ZNF518A: variants seen among roughly 807,000 people sequenced by gnomAD.
ZNF518A encodes the protein zinc finger protein 518.
A neutral mutation model predicts 102.7 loss-of-function variants in ZNF518A; 47 were observed. The ratio of observed to expected loss-of-function variants is 0.46; its 90% CI spans 0.36 to 0.58. ZNF518A has a LOEUF of 0.58. Ranked by LOEUF, ZNF518A falls within the 20% of genes least tolerant of loss-of-function variation. ZNF518A has a pLI of 0.00. For synonymous variants in ZNF518A, 652 were observed against 594.6 expected (o/e 1.10, Z -1.40); for missense variants, 1,793 against 1,699.8 (o/e 1.05, Z -0.96).
chr10:96,197,936 A>T (rs1454592091), intron 1 of ZNF518A, among the ~76,000 whole-genome samples: 1 of 151,156 alleles, frequency 6.6e-6, no homozygotes, highest in African/African-American at 2.4e-5. Context: ...AAAGAAAAAG[A>T]AAAAGAAAAA....
chr10:96,187,654 C>T (rs1248416298), intron 1 of ZNF518A, among the ~76,000 whole-genome samples: 1 of 152,168 alleles, frequency 6.6e-6, no homozygotes, highest in African/African-American at 2.4e-5. Flanking sequence ...TTCCTACTAC[C>T]ATAGCTGCAA....
chr10:96,154,136 G>A lies in ZNF518A; in HGVS notation c.-301-1190G>A, dbSNP rs1232446879. ...ACTCATATAATTCTTTCTACACCCA[G>A]CCTGGGCAACATGGCGAAACCTCAT... On this transcript the variant is annotated intron_variant, in intron 3 of 5. Transcript: ENST00000316045. 2.0e-5 allele frequency among the ~76,000 whole-genome samples: 3 copies of A among 152,112 alleles called. No individual in the cohort carries two copies. In the East Asian group the frequency reaches 5.8e-4, roughly 29 times the overall value.
intron 1 of ZNF518A, among the ~76,000 whole-genome samples, chr10:96,192,335 T>C (rs1554893662): frequency 6.6e-6 from 1 of 152,198 alleles, no homozygotes; most frequent in Non-Finnish European, 1.5e-5. Context: ...CTTAGAGAGA[T>C]TACTTCACTG....
chr10:96,167,143 A>G (rs138888687), downstream of ZNF518A, among the ~76,000 whole-genome samples: 21 of 152,322 alleles, frequency 1.4e-4, no homozygotes, highest in Non-Finnish European at 2.2e-4. Flanking sequence ...AATTTAGGAT[A>G]AATGCTAAGC....
chr10:96,160,620 A>G lies in ZNF518A; in HGVS notation c.4298A>G (p.Asn1433Ser). 6.2e-7 allele frequency: 1 copy of G among 1,613,000 alleles called. No homozygotes were observed. The highest frequency in any genetic ancestry group is 8.5e-7 in the Non-Finnish European group (1 of 1,179,452). ...KLTLKKTSKN[N>S]YQIVKTTSEN... is the part of the protein sequence containing the mutation. ...ACACTCAAAAAGACAAGCAAAAACA[A>G]TTACCAGATTGTGAAGACTACCTCT... The change falls in exon 6 of 6, where the codon AAT becomes AGT. Residue 1433 changes from asparagine to serine, a missense_variant. Asn to Ser is a conservative substitution (Grantham distance 46). Transcript: ENST00000316045.
intron 1 of ZNF518A, among the ~76,000 whole-genome samples, chr10:96,188,899 T>A (rs2083289431): frequency 6.6e-6 from 1 of 152,160 alleles, no homozygotes; most frequent in Non-Finnish European, 1.5e-5. Context: ...ATGCTCCCTC[T>A]AAAACCCGGA....
In ZNF518A at chr10:96,160,387, A is replaced by G. The variant is rs782051067; in HGVS notation, c.4065A>G (p.Ala1355=). The part of the protein sequence containing the change: ...QPVVVLNHPD[A]DAPEVVSVMK... ...TTGTAGTTTTGAATCATCCTGACGC[A>G]GATGCACCAGAAGTAGTAAGTGTAA... Residue 1355 remains alanine, a synonymous_variant, in exon 6 of 6, where the codon GCA becomes GCG. Coordinates refer to ENST00000316045, the MANE Select transcript of ZNF518A (RefSeq NM_001330736.2). 11 of 1,613,346 alleles carry G rather than the reference A, an allele frequency of 6.8e-6. No homozygotes were observed. The highest frequency in any genetic ancestry group is 6.8e-6 in the Non-Finnish European group (8 of 1,179,602).
At chr10:96,142,965 C>A (rs2082009545) in intron 3 of ZNF518A, among the ~76,000 whole-genome samples, 1 of 152,068 alleles carries the variant, frequency 6.6e-6, no homozygotes, top group Admixed American at 6.6e-5. Context: ...CGCAACCATG[C>A]CCGGCTAACT....
intron 3 of ZNF518A, among the ~76,000 whole-genome samples, chr10:96,145,575 C>G (rs2082133545): frequency 6.6e-6 from 1 of 152,158 alleles, no homozygotes; most frequent in Non-Finnish European, 1.5e-5. Flanking sequence ...TTACCATTAA[C>G]TTTGACGCTT....
At chr10:96,203,688 G>C (rs1211686887) in intron 2 of ZNF518A, 1 of 161,428 alleles carries the variant, frequency 6.2e-6, no homozygotes, top group East Asian at 1.7e-4. Flanking sequence ...ATTTAAATCG[G>C]TATTATTTGT....
downstream of ZNF518A, among the ~76,000 whole-genome samples, chr10:96,168,205 G>A (rs2083153878): frequency 1.3e-5 from 2 of 152,206 alleles, no homozygotes; most frequent in Admixed American, 1.3e-4. Flanking sequence ...GGAGTCATGA[G>A]TGAGAGGCCC....
Position 96,163,357 on chromosome 10 carries a change from T to C in ZNF518A, c.*2583T>C, listed in dbSNP as rs1379259845. ...TTTCCAAAGAGGGCTTTCCAAAATA[T>C]GATTTTCAGTAGTTCGAGGTTCTTA... On this transcript the variant is annotated 3_prime_UTR_variant, in exon 6 of 6. Transcript: ENST00000316045. The C allele has an allele frequency of 6.0e-6, 1 of 166,946 alleles. No individual in the cohort carries two copies. Among genetic ancestry groups the C allele is most frequent in the Non-Finnish European group, 1.5e-5 (1 of 68,082 alleles). The allele number at this position is 166,946 out of a possible 1,614,324, so 10.3% of individuals were successfully genotyped here. A position where few individuals can be genotyped will look rare whatever the true frequency, so the allele number is the denominator to read the frequency against.
At chr10:96,182,619 G>A (rs1405734186) in intron 1 of ZNF518A, among the ~76,000 whole-genome samples, 1 of 152,112 alleles carries the variant, frequency 6.6e-6, no homozygotes, top group Non-Finnish European at 1.5e-5. Flanking sequence ...TTTATGTGAT[G>A]GATTATGTTT....
chr10:96,173,969 C>T (rs2083188617), intron 1 of ZNF518A, among the ~76,000 whole-genome samples: 1 of 151,960 alleles, frequency 6.6e-6, no homozygotes, highest in African/African-American at 2.4e-5. Context: ...TTTGAAAATT[C>T]ATAAATATAT....
In ZNF518A at chr10:96,133,236, T is replaced by C. The variant is rs587649108; in HGVS notation, c.-367-347T>C. Among the ~76,000 whole-genome samples, 19 of 152,222 alleles carry C rather than the reference T, an allele frequency of 1.2e-4. No individual in the cohort carries two copies. In the East Asian group the frequency reaches 3.3e-3, roughly 26 times the overall value. ...TGGAGATAAAGGTGGTAGATAGATG[T>C]TTCAAAGCTATATGAATGGCCAGAA... On this transcript the variant is annotated intron_variant, in intron 2 of 5. Transcript: ENST00000316045.
At chr10:96,153,151 C>A (rs2082531632) in intron 3 of ZNF518A, among the ~76,000 whole-genome samples, 1 of 152,218 alleles carries the variant, frequency 6.6e-6, no homozygotes, top group Admixed American at 6.5e-5. Context: ...GCTAGAGAGC[C>A]TGGAGTTCTG....
At chr10:96,140,460 CT>C (rs782555782) in intron 3 of ZNF518A, among the ~76,000 whole-genome samples, 6 of 152,222 alleles carry the variant, frequency 3.9e-5, no homozygotes, top group Non-Finnish European at 7.4e-5. Context: ...CTTCCCTCCC[CT>C]CATGTATTCC....
chr10:96,199,386 A>G (rs1163830538), intron 1 of ZNF518A: 2 of 309,144 alleles, frequency 6.5e-6, no homozygotes, highest in East Asian at 1.8e-4. Flanking sequence ...TGCCATCTTG[A>G]CTCAAATTTT....
chr10:96,142,246 A>G (rs1239621758), intron 3 of ZNF518A, among the ~76,000 whole-genome samples: 1 of 152,156 alleles, frequency 6.6e-6, no homozygotes, highest in Non-Finnish European at 1.5e-5. Flanking sequence ...AGTCATGAAT[A>G]GATAATAGTT....
Sources: gnomAD v4.1 joint callset for allele counts (sites outside exome capture counted in the v4.1 genomes callset) on GRCh38, gnomAD v4.1.1 for gene constraint, MANE v1.5 for transcripts, NCBI Gene and HGNC (gene_info 2026-07-23, HGNC 2026-07-21) for gene names.